The following DLG2 variants were observed in gnomAD, a reference collection of about 807,000 sequenced individuals.
The protein encoded by DLG2 is disks large homolog 2.
A neutral mutation model predicts 132.5 loss-of-function variants in DLG2; 45 were observed. The observed-to-expected ratio is 0.34, with a 90% CI of 0.27 to 0.44. The LOEUF (loss-of-function observed/expected upper bound fraction) is 0.44. DLG2 is among the 20% of genes least tolerant of loss of function. DLG2 has a pLI of 1.00. For synonymous variants in DLG2, 424 were observed against 419.6 expected, an observed-to-expected ratio of 1.01 and a Z score of -0.13; for missense variants, 1,045 against 1,196.9, an observed-to-expected ratio of 0.87 and a Z score of 1.87.
At chr11:84,804,922 T>A (rs547273602) in intron 6 of DLG2, among the ~76,000 whole-genome samples, 3 of 152,208 alleles carry the variant, frequency 2.0e-5, no homozygotes, top group East Asian at 3.9e-4. Flanking sequence ...CCCTCCAACA[T>A]TGTAACCGTG....
At chr11:83,724,617 G>A (rs1315129386) in intron 18 of DLG2, among the ~76,000 whole-genome samples, 2 of 151,990 alleles carry the variant, frequency 1.3e-5, no homozygotes, top group African/African-American at 4.8e-5. Context: ...GCATTTAGTT[G>A]AAGGAGGATA....
At chr11:84,777,281 G>GTATATATATATA (rs71036441) in intron 6 of DLG2, among the ~76,000 whole-genome samples, 38 of 95,000 alleles carry the variant, frequency 4.0e-4, no homozygotes, top group East Asian at 8.0e-4. Context: ...ATGTGTGTGT[G>GTATATATATATA]TATATATATA....
At chr11:85,458,246 A>C (rs1230791031) in intron 3 of DLG2, among the ~76,000 whole-genome samples, 1 of 151,884 alleles carries the variant, frequency 6.6e-6, no homozygotes, top group Non-Finnish European at 1.5e-5. Context: ...TTGTGATTGC[A>C]TTATAAAATT....
rs1255639822 is a variant in DLG2 at position 83,462,098 on chromosome 11, G to GA, written c.2730-6dup. 1 of 1,583,380 alleles carries GA rather than the reference G, an allele frequency of 6.3e-7. No homozygotes were observed. Among genetic ancestry groups the GA allele is most frequent in the Non-Finnish European group, 8.7e-7 (1 of 1,152,276 alleles). Reference sequence around the variant, plus strand: ...GTTAGACGCTTATTCATCTCCCTGGGAAAATGAGGGTTTGTATTAGAACAT... The same window carrying GA: ...GTTAGACGCTTATTCATCTCCCTGGGAAAAATGAGGGTTTGTATTAGAACAT... On this transcript the variant is annotated splice_region_variant and splice_polypyrimidine_tract_variant and intron_variant, in intron 26 of 27. Coordinates refer to ENST00000376104, the MANE Select transcript of DLG2 (RefSeq NM_001142699.3).
chr11:84,005,974 G>A (rs980322057), intron 11 of DLG2, among the ~76,000 whole-genome samples: 4 of 151,770 alleles, frequency 2.6e-5, no homozygotes, highest in African/African-American at 9.7e-5. Context: ...TCTCACTACT[G>A]GGTATCTATC....
intron 7 of DLG2, among the ~76,000 whole-genome samples, chr11:84,462,101 C>T (rs1158713687): frequency 2.0e-5 from 3 of 150,792 alleles, no homozygotes; most frequent in Non-Finnish European, 4.5e-5. Context: ...CTAAATGATC[C>T]CACGAGTCCT....
intron 6 of DLG2, among the ~76,000 whole-genome samples, chr11:85,065,197 G>A (rs2064724896): frequency 6.6e-6 from 1 of 151,360 alleles, no homozygotes. Flanking sequence ...CACTACCCTA[G>A]AATAGTCCAC....
At position 84,115,729 on chromosome 11, in the gene DLG2, CAAACTA is replaced by C. The variant is rs1385368589; in HGVS notation, c.625-16688_625-16683del. Among the ~76,000 whole-genome samples the C allele has an allele frequency of 2.0e-5, 3 of 152,192 alleles. No individual in the cohort carries two copies. In the East Asian group the frequency reaches 5.8e-4, roughly 29 times the overall value. ...TCAAAGGAGCCTGCCCTGATAGCAA[CAAACTA>C]CTCTTCTCATTACCACCTTTGGTCA... On this transcript the variant is annotated intron_variant, in intron 9 of 27. Transcript: ENST00000376104.
At chr11:84,112,753 G>T (rs2093431669) in intron 9 of DLG2, among the ~76,000 whole-genome samples, 1 of 152,146 alleles carries the variant, frequency 6.6e-6, no homozygotes, top group African/African-American at 2.4e-5. Context: ...GACTAGGCAA[G>T]AGGGATGGGA....
intron 7 of DLG2, among the ~76,000 whole-genome samples, chr11:84,448,991 A>G (rs1046839939): frequency 6.6e-6 from 1 of 151,948 alleles, no homozygotes; most frequent in Non-Finnish European, 1.5e-5. Context: ...ACAGAGACCT[A>G]TCTAGCATTT....
chr11:84,514,517 T>C (rs1591319199), intron 7 of DLG2, among the ~76,000 whole-genome samples: 2 of 151,726 alleles, frequency 1.3e-5, no homozygotes, highest in African/African-American at 4.8e-5. Context: ...GAACTGGAGG[T>C]CATTATGTTA....
At chr11:84,714,565 T>TTCTCTG in intron 6 of DLG2, among the ~76,000 whole-genome samples, 1 of 98,726 alleles carries the variant, frequency 1.0e-5, no homozygotes, top group African/African-American at 6.9e-5. Context: ...CTCTTTCTCT[T>TTCTCTG]TCTCTTTCTC....
chr11:84,458,578 A>AT (rs1383578816), intron 7 of DLG2, among the ~76,000 whole-genome samples: 2 of 150,716 alleles, frequency 1.3e-5, no homozygotes, highest in African/African-American at 4.8e-5. Context: ...GATGTTGGTG[A>AT]TTTTTGAATT....
chr11:84,874,108 A>T (rs1446284228), intron 6 of DLG2, among the ~76,000 whole-genome samples: 1 of 152,210 alleles, frequency 6.6e-6, no homozygotes, highest in East Asian at 1.9e-4. Context: ...ATTGGTCTCA[A>T]CAACTTCACC....
chr11:84,383,050 G>A (rs966467487), intron 7 of DLG2, among the ~76,000 whole-genome samples: 1 of 151,606 alleles, frequency 6.6e-6, no homozygotes, highest in Admixed American at 6.6e-5. Context: ...TCTGACCATG[G>A]TGCTTCCTGC....
At chr11:84,913,799 T>C (rs1031753826) in intron 6 of DLG2, among the ~76,000 whole-genome samples, 1 of 152,196 alleles carries the variant, frequency 6.6e-6, no homozygotes, top group Non-Finnish European at 1.5e-5. Context: ...CATTGAAAAA[T>C]ATAATGTATT....
intron 6 of DLG2, among the ~76,000 whole-genome samples, chr11:84,918,764 C>T (rs1308483032): frequency 6.6e-6 from 1 of 152,124 alleles, no homozygotes; most frequent in African/African-American, 2.4e-5. Flanking sequence ...TATATGACTT[C>T]AAAGGCTATG....
intron 3 of DLG2, among the ~76,000 whole-genome samples, chr11:85,469,977 C>T (rs1352334920): frequency 2.0e-5 from 3 of 152,114 alleles, no homozygotes; most frequent in Admixed American, 2.0e-4. Context: ...CTTACTTTAG[C>T]CTACAAGGCT....
chr11:85,068,102 C>G (rs2065208820), intron 6 of DLG2, among the ~76,000 whole-genome samples: 1 of 151,992 alleles, frequency 6.6e-6, no homozygotes, highest in African/African-American at 2.4e-5. Context: ...AATTCAACAG[C>G]CCTTCATTCT....
Sources: gnomAD v4.1 joint callset for allele counts (sites outside exome capture counted in the v4.1 genomes callset) on GRCh38, gnomAD v4.1.1 for gene constraint, MANE v1.5 for transcripts, NCBI Gene and HGNC (gene_info 2026-07-23, HGNC 2026-07-21) for gene names.